The following MGLL variants were observed in gnomAD, a reference collection of about 807,000 sequenced individuals.
The protein encoded by MGLL is lysophospholipase homolog.
Under a neutral mutation model 29.1 loss-of-function variants are expected in MGLL, and 7 were observed. The ratio of observed to expected loss-of-function variants is 0.24; its 90% confidence interval spans 0.14 to 0.45. The LOEUF is 0.45. MGLL is among the 20% of genes least tolerant of loss of function. The pLI, the probability that MGLL is intolerant of heterozygous loss-of-function variation, is 0.99. For synonymous variants in MGLL, 148 were observed against 168.3 expected, an observed-to-expected ratio of 0.88 and a Z score of 0.93; for missense variants, 356 against 413.6, an observed-to-expected ratio of 0.86 and a Z score of 1.21.
At chr3:127,705,104 A>G (rs533732489) in intron 6 of MGLL, among the ~76,000 whole-genome samples, 1 of 152,348 alleles carries the variant, frequency 6.6e-6, no homozygotes, top group Admixed American at 6.5e-5. Context: ...CATTATCCTC[A>G]GCAAACTAAC....
chr3:127,696,149 C>T lies in MGLL; in HGVS notation c.601-959G>A, dbSNP rs545353406. Among the ~76,000 whole-genome samples the T allele has an allele frequency of 3.9e-5, 6 of 152,314 alleles. No homozygotes were observed. The South Asian group carries it at 8.3e-4, about 21-fold the overall frequency. Reference sequence around the variant, plus strand: ...GCTGTGCCCAAGGCCAACTCTCCCCCTCTACGGGATGTGGGTCCTCTCTCC... The same window carrying T: ...GCTGTGCCCAAGGCCAACTCTCCCCTTCTACGGGATGTGGGTCCTCTCTCC... On this transcript the variant is annotated intron_variant, in intron 6 of 7. Coordinates refer to ENST00000265052, the MANE Select transcript of MGLL (RefSeq NM_007283.7).
intron 3 of MGLL, among the ~76,000 whole-genome samples, chr3:127,725,469 C>A: frequency 6.6e-6 from 1 of 152,142 alleles, no homozygotes; most frequent in East Asian, 1.9e-4. Context: ...GTGTCTCAGC[C>A]TCTTTACAAG....
In MGLL at chr3:127,770,831, G is replaced by A. The variant is rs377465180; in HGVS notation, c.262+10958C>T. Among the ~76,000 whole-genome samples the A allele has an allele frequency of 6.6e-5, 10 of 152,178 alleles. 2 individuals are homozygous for A. Among genetic ancestry groups the A allele is most frequent in the South Asian group, 2.1e-4 (1 of 4,806 alleles). Reference sequence around the variant, plus strand: ...AAGGCTGGGTGTCCAGGGTCACAAGGGTGAGTGCCAAGGGTCACAGGCTGA... The same window carrying A: ...AAGGCTGGGTGTCCAGGGTCACAAGAGTGAGTGCCAAGGGTCACAGGCTGA... On this transcript the variant is annotated intron_variant, in intron 3 of 7. Coordinates refer to ENST00000265052, the MANE Select transcript of MGLL (RefSeq NM_007283.7).
intron 2 of MGLL, among the ~76,000 whole-genome samples, chr3:127,809,139 A>G (rs1334381235): frequency 6.6e-6 from 1 of 151,876 alleles, no homozygotes; most frequent in Admixed American, 6.6e-5. Flanking sequence ...ACAAAGGCAG[A>G]ATGTAGGGAG....
At chr3:127,740,703 G>A (rs971999388) in intron 3 of MGLL, among the ~76,000 whole-genome samples, 12 of 152,334 alleles carry the variant, frequency 7.9e-5, no homozygotes, top group Admixed American at 3.3e-4. Context: ...TCACCAGTGC[G>A]GGGACAATGG....
At chr3:127,712,415 A>C (rs1353252261) in intron 5 of MGLL, 1 of 152,258 alleles carries the variant, frequency 6.6e-6, no homozygotes, top group Non-Finnish European at 1.5e-5. Context: ...ACAGCAAAAA[A>C]CGGGCTTTTC....
intron 2 of MGLL, among the ~76,000 whole-genome samples, chr3:127,800,336 G>A (rs1480203204): frequency 1.3e-5 from 2 of 152,194 alleles, no homozygotes; most frequent in Non-Finnish European, 1.5e-5. Flanking sequence ...TGCTCAGCCT[G>A]CACCTTAACA....
chr3:127,769,871 A>G (rs1239289761), intron 3 of MGLL, among the ~76,000 whole-genome samples: 1 of 152,144 alleles, frequency 6.6e-6, no homozygotes, highest in Non-Finnish European at 1.5e-5. Context: ...TGTCCTGAGG[A>G]TGGAGCGGGG....
intron 3 of MGLL, among the ~76,000 whole-genome samples, chr3:127,743,676 C>T (rs889807108): frequency 5.4e-5 from 8 of 147,844 alleles, no homozygotes; most frequent in Non-Finnish European, 1.0e-4. Context: ...ATGTGTTAGA[C>T]AAGAACTGCG....
At chr3:127,744,483 G>C (rs2076404280) in intron 3 of MGLL, among the ~76,000 whole-genome samples, 1 of 152,202 alleles carries the variant, frequency 6.6e-6, no homozygotes, top group Non-Finnish European at 1.5e-5. Flanking sequence ...AGGGCTCTGT[G>C]CAGCTCTGGG....
intron 3 of MGLL, among the ~76,000 whole-genome samples, chr3:127,772,866 A>G (rs961773509): frequency 3.9e-5 from 6 of 152,304 alleles, no homozygotes; most frequent in African/African-American, 9.6e-5. Flanking sequence ...TCTTCCCACC[A>G]TGTGAGGACA....
intron 3 of MGLL, among the ~76,000 whole-genome samples, chr3:127,749,800 C>T (rs1001171939): frequency 2.0e-5 from 3 of 152,032 alleles, no homozygotes; most frequent in African/African-American, 4.8e-5. Flanking sequence ...GTGTGTTATG[C>T]GAGGGGGTTT....
At chr3:127,773,470 C>T (rs2076982648) in intron 3 of MGLL, among the ~76,000 whole-genome samples, 1 of 152,230 alleles carries the variant, frequency 6.6e-6, no homozygotes, top group Non-Finnish European at 1.5e-5. Flanking sequence ...GCTGGGTGCT[C>T]AGTACTTGTG....
chr3:127,759,463 G>A (rs955086240), intron 3 of MGLL, among the ~76,000 whole-genome samples: 1 of 152,200 alleles, frequency 6.6e-6, no homozygotes, highest in African/African-American at 2.4e-5. Flanking sequence ...CACTGGAGGT[G>A]GGTGTGCCTC....
intron 3 of MGLL, among the ~76,000 whole-genome samples, chr3:127,737,547 G>T (rs1043942660): frequency 6.7e-6 from 1 of 148,642 alleles, no homozygotes; most frequent in Non-Finnish European, 1.5e-5. Context: ...TGTATTCTCC[G>T]CACTGGAACA....
intron 3 of MGLL, among the ~76,000 whole-genome samples, chr3:127,738,545 C>T (rs1164129743): frequency 6.6e-6 from 1 of 152,172 alleles, no homozygotes; most frequent in Non-Finnish European, 1.5e-5. Flanking sequence ...GAAGGAGGTC[C>T]TGGGCAGGAG....
At chr3:127,770,168 C>T (rs1192793674) in intron 3 of MGLL, among the ~76,000 whole-genome samples, 6 of 151,936 alleles carry the variant, frequency 3.9e-5, no homozygotes, top group Non-Finnish European at 5.9e-5. Flanking sequence ...GACAGGTGCA[C>T]GCCACTGCAC....
rs900082538 is a variant in MGLL, at chr3:127,689,160, C to T, written c.*3038G>A. ...ATATGTGCCCCGCAGACAGTATACACGCAGGGATGTGACTGAGCCACAGTG... is the reference window on the plus strand; with the variant it reads ...ATATGTGCCCCGCAGACAGTATACATGCAGGGATGTGACTGAGCCACAGTG... On this transcript the variant is annotated 3_prime_UTR_variant, in exon 8 of 8. Transcript: ENST00000265052. 8.5e-5 allele frequency: 13 copies of T among 152,360 alleles called. No homozygotes were observed. The East Asian group carries it at 1.9e-3, about 23-fold the overall frequency. The allele number at this position is 152,360 out of a possible 1,614,324, so 9.4% of individuals were successfully genotyped here. A position where few individuals can be genotyped will look rare whatever the true frequency, so the allele number is the denominator to read the frequency against.
At chr3:127,719,257 C>G (rs1217419861) in intron 5 of MGLL, among the ~76,000 whole-genome samples, 1 of 152,212 alleles carries the variant, frequency 6.6e-6, no homozygotes, top group Non-Finnish European at 1.5e-5. Flanking sequence ...CTGCCAGGTC[C>G]CCCTGGTGCA....
Sources: gnomAD v4.1 joint callset for allele counts (sites outside exome capture counted in the v4.1 genomes callset) on GRCh38, gnomAD v4.1.1 for gene constraint, MANE v1.5 for transcripts, NCBI Gene and HGNC (gene_info 2026-07-23, HGNC 2026-07-21) for gene names.